Variants in POM121C observed in about 807,000 individuals in gnomAD.
The protein encoded by POM121C is POM121 transmembrane nucleoporin C.
A neutral mutation model predicts 66.4 loss-of-function variants in POM121C; 20 were observed. The ratio of observed to expected loss-of-function variants is 0.30; its 90% CI spans 0.21 to 0.44. The LOEUF is 0.44. Ranked by LOEUF, POM121C falls within the 20% of genes least tolerant of loss-of-function variation. POM121C has a pLI of 1.00. For missense variants in POM121C, 580 were observed against 1,225.7 expected (o/e 0.47, Z 7.87); for synonymous variants, 286 against 528.0 (o/e 0.54, Z 6.28).
At chr7:75,477,372 C>T (rs1792130776) in intron 1 of POM121C, among the ~76,000 whole-genome samples, 1 of 152,216 alleles carries the variant, frequency 6.6e-6, no homozygotes, top group African/African-American at 2.4e-5. Context: ...CACCTGAGGT[C>T]AGGAGTTCAA....
chr7:75,479,270 A>G (rs587635824), intron 1 of POM121C, among the ~76,000 whole-genome samples: 66 of 152,286 alleles, frequency 4.3e-4, no homozygotes, highest in East Asian at 7.8e-4. Flanking sequence ...AAAGGAATGA[A>G]GAGTACCAGA....
chr7:75,430,192 T>C (rs1554472170), intron 7 of POM121C, among the ~76,000 whole-genome samples: 1 of 151,792 alleles, frequency 6.6e-6, no homozygotes, highest in Non-Finnish European at 1.5e-5. Flanking sequence ...TATATGAAAA[T>C]GCAAAAGGCC....
At position 75,425,668 on chromosome 7, in the gene POM121C, A is replaced by G. The variant is rs1789915685; in HGVS notation, c.613T>C (p.Leu205=). The part of the protein sequence containing the change: ...LCHHSSSSTP[L]AADKESQGEK... ...CCCTGGGACTCCTTGTCTGCTGCCA[A>G]TGGAGTTGAAGAACTGGAATGATGA... Residue 205 remains leucine, a synonymous_variant, in exon 9 of 15, where the codon TTG becomes CTG. Transcript: ENST00000615331. 6.2e-7 allele frequency: 1 copy of G among 1,611,760 alleles called. No individual in the cohort carries two copies. The highest frequency in any genetic ancestry group is 1.1e-5 in the South Asian group (1 of 90,284).
chr7:75,482,176 A>G (rs1213636194), intron 1 of POM121C, among the ~76,000 whole-genome samples: 3 of 152,162 alleles, frequency 2.0e-5, no homozygotes, highest in Non-Finnish European at 4.4e-5. Context: ...CTTCAAAACA[A>G]TGAGCACGCA....
rs587600340 is a variant in POM121C, at chr7:75,423,978, G to A, written c.1048+71C>T. On this transcript the variant is annotated intron_variant, in intron 12 of 14. Coordinates refer to ENST00000615331, the MANE Select transcript of POM121C (RefSeq NM_001099415.3). The stretch of plus-strand genomic sequence containing the variant: ...GCAATCTCCAGCGACTGACAGGCAC[G>A]ACGCCCTTATTCCAACCCAAGCCGG... The A allele has an allele frequency of 5.2e-4, 799 of 1,533,466 alleles. 4 individuals carry two copies. The highest frequency in any genetic ancestry group is 2.6e-4 in the Non-Finnish European group (285 of 1,116,990). 95.0% of individuals were successfully genotyped at this position (1,533,466 alleles called of 1,614,324 possible). A position where few individuals can be genotyped will look rare whatever the true frequency, so the allele number is the denominator to read the frequency against.
chr7:75,425,612 C>G, intron 9 of POM121C, 23 bp downstream of exon 9: 2 of 1,582,158 alleles, frequency 1.3e-6, no homozygotes, highest in Non-Finnish European at 1.7e-6. Flanking sequence ...ACAGCAGCCC[C>G]TCCTCCTGGC....
At chr7:75,476,357 A>G (rs1201526924) in intron 1 of POM121C, among the ~76,000 whole-genome samples, 5 of 151,928 alleles carry the variant, frequency 3.3e-5, no homozygotes, top group Non-Finnish European at 7.4e-5. Flanking sequence ...TTGGCCTCCC[A>G]AAGTATTGGG....
At chr7:75,470,345 A>C (rs1188027724) in intron 3 of POM121C, among the ~76,000 whole-genome samples, 1 of 140,422 alleles carries the variant, frequency 7.1e-6, no homozygotes, top group African/African-American at 2.6e-5. Context: ...AATGAATGTG[A>C]CATGTTCTAA....
intron 3 of POM121C, among the ~76,000 whole-genome samples, chr7:75,471,336 G>A (rs1791867832): frequency 6.6e-6 from 1 of 152,020 alleles, no homozygotes; most frequent in Non-Finnish European, 1.5e-5. Flanking sequence ...AGCCTCTGGA[G>A]TAGCTGGGAT....
chr7:75,422,100 C>T lies in POM121C; in HGVS notation c.2152G>A (p.Ala718Thr), dbSNP rs369177631. 3.1e-5 allele frequency: 49 copies of T among 1,603,802 alleles called. 2 individuals carry two copies. In the Middle Eastern group the frequency reaches 7.3e-4, roughly 24 times the overall value. The change falls in exon 13 of 15, where the codon GCC (alanine) becomes ACC (threonine). Residue 718 changes from alanine (A) to threonine (T), a missense_variant. Coordinates refer to ENST00000615331, the MANE Select transcript of POM121C (RefSeq NM_001099415.3). ...GAAEGQPPGA[A>T]KPALTPSFGS... Reference sequence around the variant, plus strand: ...AAGCTGGGGGTAAGGGCTGGCTTGGCGGCCCCCGGTGGCTGCCCCTCAGCG... The same window carrying T: ...AAGCTGGGGGTAAGGGCTGGCTTGGTGGCCCCCGGTGGCTGCCCCTCAGCG...
chr7:75,477,834 G>A (rs1418304997), intron 1 of POM121C, among the ~76,000 whole-genome samples: 2 of 151,916 alleles, frequency 1.3e-5, no homozygotes, highest in African/African-American at 4.8e-5. Context: ...CCTCAGGTGT[G>A]ATAAATTAAC....
At chr7:75,485,729 C>G (rs113455614) in intron 1 of POM121C, 135 bp downstream of exon 1, 29,257 of 380,438 alleles carry the variant, frequency 0.077, 1,480 homozygotes, top group South Asian at 0.11. Context: ...GCAGCCGGAC[C>G]CTGCCCTCAA....
At chr7:75,479,871 G>A in intron 1 of POM121C, among the ~76,000 whole-genome samples, 1 of 152,088 alleles carries the variant, frequency 6.6e-6, no homozygotes. Flanking sequence ...AAAACAGTGT[G>A]ATAGCTAAAA....
Position 75,443,928 on chromosome 7 carries a change from G to A in POM121C, c.-151-2281C>T, listed in dbSNP as rs1384317023. On this transcript the variant is annotated intron_variant, in intron 3 of 14. Coordinates refer to ENST00000615331, the MANE Select transcript of POM121C (RefSeq NM_001099415.3). ...CACACTCCAGCCTGGACGACAGAGC[G>A]AGTCCATCTCAAAAAAAAAAAAAAA... is the stretch of plus-strand genomic sequence containing the variant. 7.8e-4 allele frequency among the ~76,000 whole-genome samples: 32 copies of A among 41,276 alleles called. No homozygotes were observed. The East Asian group carries it at 0.037, about 47-fold the overall frequency. The allele number at this position is 41,276 out of a possible 152,430, so 27.1% of individuals were successfully genotyped here. A position where few individuals can be genotyped will look rare whatever the true frequency, so the allele number is the denominator to read the frequency against.
At chr7:75,474,629 A>G (rs1792006568) in intron 3 of POM121C, 75 bp downstream of exon 3, 3 of 569,538 alleles carry the variant, frequency 5.3e-6, no homozygotes, top group East Asian at 6.3e-5. Flanking sequence ...TACCGAATAC[A>G]TATAAACAAC....
chr7:75,479,260 A>C (rs1792211748), intron 1 of POM121C, among the ~76,000 whole-genome samples: 1 of 152,222 alleles, frequency 6.6e-6, no homozygotes, highest in South Asian at 2.1e-4. Context: ...AGATTTACAC[A>C]AAGGAATGAA....
intron 1 of POM121C, among the ~76,000 whole-genome samples, chr7:75,479,506 C>T (rs761016205): frequency 6.8e-6 from 1 of 147,370 alleles, no homozygotes; most frequent in Non-Finnish European, 1.5e-5. Context: ...ATCCCAGCTA[C>T]CCAGGAGGCT....
chr7:75,433,881 AAT>A (rs1554472707), intron 7 of POM121C, among the ~76,000 whole-genome samples: 1 of 152,204 alleles, frequency 6.6e-6, no homozygotes, highest in African/African-American at 2.4e-5. Context: ...TTATTAAAAC[AAT>A]GTTACATTAA....
chr7:75,451,257 G>A lies in POM121C; in HGVS notation c.-151-9610C>T, dbSNP rs1267455071. Among the ~76,000 whole-genome samples the A allele has an allele frequency of 1.1e-4, 17 of 151,246 alleles. 1 individual carries two copies. The highest frequency in any genetic ancestry group is 4.2e-4 in the South Asian group (2 of 4,772). On this transcript the variant is annotated intron_variant, in intron 3 of 14. Transcript: ENST00000615331. ...AAAAGAACAAAGGTGGAGGCATAAC[G>A]CTACCTGACTTCAAACTACACTACA...
Sources: gnomAD v4.1 joint callset for allele counts (sites outside exome capture counted in the v4.1 genomes callset) on GRCh38, gnomAD v4.1.1 for gene constraint, MANE v1.5 for transcripts, NCBI Gene and HGNC (gene_info 2026-07-23, HGNC 2026-07-21) for gene names.